The following MARF1 variants were observed in gnomAD, a reference collection of about 807,000 sequenced individuals.
MARF1 encodes the protein limkain-b1.
MARF1 carries 24 observed loss-of-function variants against 168.2 expected under a neutral mutation model. The ratio of observed to expected loss-of-function variants is 0.14; its 90% CI spans 0.10 to 0.20. The LOEUF (loss-of-function observed/expected upper bound fraction) is 0.20. Among genes scored for constraint, MARF1 ranks in the 10% least tolerant of loss-of-function variants. The pLI is 1.00. For synonymous variants in MARF1, 868 were observed against 822.4 expected, an observed-to-expected ratio of 1.06 and a Z score of -0.95; for missense variants, 1,744 against 2,143.6, an observed-to-expected ratio of 0.81 and a Z score of 3.68.
At position 15,596,486 on chromosome 16, in the gene MARF1, AAAG is replaced by A. The variant is rs1302674851; in HGVS notation, c.*204_*206del. 4.7e-6 allele frequency: 2 copies of A among 421,450 alleles called. No individual in the cohort carries two copies. The highest frequency in any genetic ancestry group is 8.1e-6 in the Non-Finnish European group (2 of 245,514). The allele number at this position is 421,450 out of a possible 1,614,324, so 26.1% of individuals were successfully genotyped here. On this transcript the variant is annotated 3_prime_UTR_variant, in exon 27 of 27. Coordinates refer to ENST00000396368, the MANE Select transcript of MARF1 (RefSeq NM_014647.4). The stretch of plus-strand genomic sequence containing the variant: ...CCACAAGTTCTTCAAATAATTGAAA[AAAG>A]AAAGAAAAAGGAAGAAGAAAAGAAA...
At chr16:15,618,783 A>G (rs2034248049) in intron 13 of MARF1, among the ~76,000 whole-genome samples, 1 of 152,168 alleles carries the variant, frequency 6.6e-6, no homozygotes, top group South Asian at 2.1e-4. Context: ...GCAGAAGACT[A>G]TGTGACCTCT....
intron 19 of MARF1, chr16:15,610,525 T>G (rs1465345764): frequency 6.5e-6 from 1 of 154,670 alleles, no homozygotes; most frequent in African/African-American, 2.4e-5. Context: ...ACTGGACCTG[T>G]GCAGTTCTGA....
intron 5 of MARF1, among the ~76,000 whole-genome samples, chr16:15,632,676 C>T (rs1473381655): frequency 6.6e-6 from 1 of 152,188 alleles, no homozygotes; most frequent in Non-Finnish European, 1.5e-5. Flanking sequence ...GAGAAAGTTG[C>T]CTCAGGCACC....
intron 7 of MARF1, among the ~76,000 whole-genome samples, chr16:15,629,495 TTC>T (rs1438655704): frequency 6.6e-6 from 1 of 152,206 alleles, no homozygotes; most frequent in African/African-American, 2.4e-5. Flanking sequence ...AAGAGCTGAT[TTC>T]TTTCTCCCTT....
intron 16 of MARF1, among the ~76,000 whole-genome samples, chr16:15,614,554 G>C (rs537019099): frequency 2.8e-4 from 42 of 150,414 alleles, no homozygotes; most frequent in African/African-American, 9.8e-4. Flanking sequence ...GGGAGGCTGA[G>C]GCGGGCGGAT....
chr16:15,614,179 T>C (rs187943832), intron 16 of MARF1, among the ~76,000 whole-genome samples: 31 of 152,244 alleles, frequency 2.0e-4, no homozygotes, highest in Admixed American at 1.2e-3. Flanking sequence ...GAAAGTACTT[T>C]TTTTTTTAAA....
intron 26 of MARF1, 143 bp from the exon 27 acceptor site, chr16:15,597,080 T>G: frequency 1.1e-6 from 1 of 894,574 alleles, no homozygotes; most frequent in South Asian, 2.1e-5. Context: ...AGTTTACATA[T>G]GAGTTGTGTG....
chr16:15,621,483 T>G, intron 12 of MARF1: 1 of 486,500 alleles, frequency 2.1e-6, no homozygotes, highest in South Asian at 3.4e-5. Flanking sequence ...TTTTAGAACC[T>G]ATTTGAACAT....
In MARF1 at chr16:15,604,200, C is replaced by G. The variant is rs568115023; in HGVS notation, c.4381G>C (p.Glu1461Gln). Residue 1461 changes from glutamate to glutamine, a missense_variant, in exon 22 of 27, where the codon GAA becomes CAA. By Grantham distance (29) the Glu-to-Gln change is conservative. Around this residue, in one of 7 missense-constraint regions of MARF1, gnomAD observed 9 missense variants for 27.7 expected, o/e 0.32. Transcript: ENST00000396368. Reference sequence around the variant, plus strand: ...AAGTATGGCAGGCTCTTCAGCAGTTCGGTCAAGGTCATGAATCCATATTCA... The same window carrying G: ...AAGTATGGCAGGCTCTTCAGCAGTTGGGTCAAGGTCATGAATCCATATTCA... Reference protein sequence around the residue: ...PCEYGFMTLTELLKSLPYLVE... With the variant: ...PCEYGFMTLTQLLKSLPYLVE... The G allele has an allele frequency of 1.2e-6, 2 of 1,614,048 alleles. No homozygotes were observed. The highest frequency in any genetic ancestry group is 1.3e-5 in the African/African-American group (1 of 75,028).
chr16:15,635,181 G>A (rs1302093044), intron 3 of MARF1: 1 of 469,800 alleles, frequency 2.1e-6, no homozygotes, highest in Non-Finnish European at 3.7e-6. Flanking sequence ...TGGGGCATGA[G>A]TCTGCTGCAA....
chr16:15,611,519 C>G (rs1416551497), intron 18 of MARF1, 73 bp downstream of exon 18: 1 of 1,196,428 alleles, frequency 8.4e-7, no homozygotes, highest in African/African-American at 1.6e-5. Context: ...TACTAGATAA[C>G]TATTTAGAGT....
At chr16:15,616,066 C>T (rs767828166) in intron 15 of MARF1, 61 bp from the exon 16 acceptor site, 33 of 1,333,522 alleles carry the variant, frequency 2.5e-5, no homozygotes, top group Non-Finnish European at 3.2e-5. Context: ...GAAAAGGAGG[C>T]GCTTGCTAAA....
At chr16:15,624,715 A>G in intron 10 of MARF1, 54 bp downstream of exon 10, 5 of 1,515,372 alleles carry the variant, frequency 3.3e-6, no homozygotes, top group Non-Finnish European at 3.6e-6. Flanking sequence ...ATACTATTTC[A>G]TAATCCTTCC....
rs780282309 is a variant in MARF1 at position 15,622,968 on chromosome 16, T to A, written c.2426A>T (p.Gln809Leu). The change falls in exon 11 of 27, where the codon CAG becomes CTG. Residue 809 changes from glutamine to leucine, a missense_variant. Transcript: ENST00000396368. ...CCTGGCAAATGCTTCCTGCAGGAGC[T>A]GCTGCAGCTCCTTCCGGGATAATCT... is the stretch of plus-strand genomic sequence containing the variant. Reference protein sequence around the residue: ...DYRLSRKELQQLLQEAFARHG... With the variant: ...DYRLSRKELQLLLQEAFARHG... The A allele has an allele frequency of 1.6e-5, 26 of 1,586,510 alleles. 1 individual carries two copies. The South Asian group carries it at 2.9e-4, about 18-fold the overall frequency.
At chr16:15,602,418 G>C in intron 22 of MARF1, 1 of 607,184 alleles carries the variant, frequency 1.6e-6, no homozygotes, top group Non-Finnish European at 2.9e-6. Flanking sequence ...CAACAAAGAA[G>C]ATGAAGACAA....
intron 16 of MARF1, among the ~76,000 whole-genome samples, chr16:15,615,414 A>G (rs994426632): frequency 6.6e-6 from 1 of 152,136 alleles, no homozygotes; most frequent in African/African-American, 2.4e-5. Context: ...TAATGAGGTC[A>G]AGAGATCAAG....
Position 15,596,590 on chromosome 16 carries a change from G to T in MARF1, c.*103C>A. ...CAGGTAAGATGAAGTCAATGGCTTCGGGGGGTTTTCATGACACAGAAAAGG... is the reference window on the plus strand; with the variant it reads ...CAGGTAAGATGAAGTCAATGGCTTCTGGGGGTTTTCATGACACAGAAAAGG... On this transcript the variant is annotated 3_prime_UTR_variant, in exon 27 of 27. Transcript: ENST00000396368. 8.2e-7 allele frequency: 1 copy of T among 1,221,422 alleles called. No homozygotes were observed. The highest frequency in any genetic ancestry group is 1.1e-6 in the Non-Finnish European group (1 of 896,600). 75.7% of individuals were successfully genotyped at this position (1,221,422 alleles called of 1,614,324 possible).
chr16:15,642,884 A>G (rs1420889990), intron 1 of MARF1, 134 bp downstream of exon 1: 1 of 162,568 alleles, frequency 6.2e-6, no homozygotes, highest in Non-Finnish European at 1.4e-5. Flanking sequence ...CGTCCCAGTT[A>G]GCTAACCTCC....
chr16:15,602,027 G>A lies in MARF1; in HGVS notation c.4590C>T (p.His1530=), dbSNP rs1163438902. The A allele has an allele frequency of 4.3e-6, 7 of 1,614,144 alleles. No individual in the cohort carries two copies. Among genetic ancestry groups the A allele is most frequent in the African/African-American group, 1.3e-5 (1 of 75,066 alleles). The change falls in exon 23 of 27, where the codon CAC becomes CAT. Residue 1530 remains histidine, a synonymous_variant. Coordinates refer to ENST00000396368, the MANE Select transcript of MARF1 (RefSeq NM_014647.4). ...CTCCCAAGAGCTCCTCCACGCTGCT[G>A]TGGCCGTAGGTCTTGGGCTGCAGAG... ...GETLQPKTYG[H]SSVEELLGAI...
Sources: gnomAD v4.1 joint callset for allele counts (sites outside exome capture counted in the v4.1 genomes callset) on GRCh38, gnomAD v4.1.1 for gene constraint, gnomAD v4.1.1 regional missense constraint, MANE v1.5 for transcripts, NCBI Gene and HGNC (gene_info 2026-07-23, HGNC 2026-07-21) for gene names.